Variants in SORCS1 observed in about 807,000 individuals in gnomAD.
The protein encoded by SORCS1 is VPS10 domain-containing receptor SorCS1.
In SORCS1, 60 loss-of-function variants were observed where a neutral mutation model predicts 146.1. The ratio of observed to expected loss-of-function variants is 0.41; its 90% confidence interval spans 0.33 to 0.51. SORCS1 has a LOEUF of 0.51. Ranked by LOEUF, SORCS1 falls within the 20% of genes least tolerant of loss-of-function variation. The pLI is 0.21. For synonymous variants in SORCS1, 637 were observed against 584.0 expected (o/e 1.09, Z -1.31); for missense variants, 1,352 against 1,487.6 (o/e 0.91, Z 1.50).
intron 2 of SORCS1, among the ~76,000 whole-genome samples, chr10:106,839,757 A>T (rs1214499293): frequency 3.9e-5 from 6 of 152,322 alleles, no homozygotes; most frequent in South Asian, 2.1e-4. Context: ...GGGCTAATGC[A>T]ATTGGTGACT....
At chr10:106,794,208 AC>A (rs1373722431) in intron 3 of SORCS1, among the ~76,000 whole-genome samples, 68 of 152,314 alleles carry the variant, frequency 4.5e-4, no homozygotes, top group Admixed American at 1.2e-3. Flanking sequence ...ATACTCTACA[AC>A]AACTCTAGAA....
intron 1 of SORCS1, among the ~76,000 whole-genome samples, chr10:107,072,315 T>C (rs1283697267): frequency 1.3e-5 from 2 of 152,164 alleles, no homozygotes; most frequent in African/African-American, 4.8e-5. Context: ...TTGGAGCTAA[T>C]AATAACTGGC....
At chr10:106,812,251 C>T (rs1253349427) in intron 3 of SORCS1, among the ~76,000 whole-genome samples, 6 of 152,276 alleles carry the variant, frequency 3.9e-5, no homozygotes, top group African/African-American at 1.2e-4. Flanking sequence ...CCGCCCGCCT[C>T]GGCCTCCCAA....
At chr10:106,961,104 T>C (rs957644296) in intron 1 of SORCS1, among the ~76,000 whole-genome samples, 2 of 152,156 alleles carry the variant, frequency 1.3e-5, no homozygotes, top group African/African-American at 4.8e-5. Flanking sequence ...AAACAGATGC[T>C]GGTATATGGA....
chr10:106,969,975 C>A (rs1955687631), intron 1 of SORCS1: 1 of 152,278 alleles, frequency 6.6e-6, no homozygotes, highest in Non-Finnish European at 1.5e-5. Context: ...GGACCTGAGC[C>A]CAGGCTCCGC....
At chr10:106,798,306 T>C (rs1231806672) in intron 3 of SORCS1, among the ~76,000 whole-genome samples, 3 of 152,258 alleles carry the variant, frequency 2.0e-5, no homozygotes, top group African/African-American at 4.8e-5. Context: ...CTTTTTTTTA[T>C]ACTTTAAGTT....
intron 1 of SORCS1, among the ~76,000 whole-genome samples, chr10:107,121,880 T>A (rs1966433442): frequency 6.6e-6 from 1 of 152,198 alleles, no homozygotes. Flanking sequence ...AGGAAACCAA[T>A]ATTTTTATCT....
At chr10:107,122,868 G>A (rs1303307319) in intron 1 of SORCS1, among the ~76,000 whole-genome samples, 1 of 152,194 alleles carries the variant, frequency 6.6e-6, no homozygotes, top group African/African-American at 2.4e-5. Context: ...AATGCTCAGA[G>A]TTGTTGATGT....
At chr10:106,910,314 T>TGA (rs61213760) in intron 2 of SORCS1, among the ~76,000 whole-genome samples, 10 of 126,776 alleles carry the variant, frequency 7.9e-5, no homozygotes, top group East Asian at 4.7e-4. Context: ...TGTGTGTGTG[T>TGA]GAGACAGTAT....
At chr10:107,009,258 T>C (rs1957585910) in intron 1 of SORCS1, among the ~76,000 whole-genome samples, 1 of 152,240 alleles carries the variant, frequency 6.6e-6, no homozygotes, top group Non-Finnish European at 1.5e-5. Flanking sequence ...ATAAAAGCTA[T>C]TCCCCAGATA....
chr10:107,153,785 T>TC (rs1474971236), intron 1 of SORCS1, among the ~76,000 whole-genome samples: 1 of 152,170 alleles, frequency 6.6e-6, no homozygotes, highest in African/African-American at 2.4e-5. Flanking sequence ...TTAAAATAAC[T>TC]TTTAAAAATA....
intron 1 of SORCS1, among the ~76,000 whole-genome samples, chr10:106,992,753 C>T (rs986729146): frequency 4.0e-5 from 6 of 151,112 alleles, no homozygotes; most frequent in African/African-American, 1.5e-4. Flanking sequence ...ATCTTAGCTT[C>T]TCAGAGTGCT....
intron 24 of SORCS1, among the ~76,000 whole-genome samples, chr10:106,585,533 C>T (rs1305803706): frequency 6.6e-6 from 1 of 152,164 alleles, no homozygotes; most frequent in Non-Finnish European, 1.5e-5. Context: ...TCTCAAGTCT[C>T]CCCTAAGTGA....
At chr10:106,671,443 G>A (rs1589625935) in intron 15 of SORCS1, 76 bp from the exon 16 acceptor site, 2 of 1,581,396 alleles carry the variant, frequency 1.3e-6, no homozygotes, top group South Asian at 2.3e-5. Flanking sequence ...TGACATTTAG[G>A]GAGACATTTG....
chr10:107,084,338 C>T (rs1963598829), intron 1 of SORCS1, among the ~76,000 whole-genome samples: 2 of 150,654 alleles, frequency 1.3e-5, no homozygotes, highest in South Asian at 4.2e-4. Flanking sequence ...CTGCTGACCT[C>T]GTGATCCGCC....
At chr10:106,730,018 T>A (rs973861237) in intron 6 of SORCS1, 32 bp downstream of exon 6, 1 of 1,608,574 alleles carries the variant, frequency 6.2e-7, no homozygotes, top group Non-Finnish European at 8.5e-7. Flanking sequence ...CTAATATTAC[T>A]ATGAGTATTG....
At chr10:106,657,348 C>T (rs1439353089) in intron 17 of SORCS1, among the ~76,000 whole-genome samples, 4 of 152,084 alleles carry the variant, frequency 2.6e-5, no homozygotes, top group African/African-American at 9.7e-5. Context: ...TATGAAGTAA[C>T]TCAGGAATGG....
At position 106,744,391 on chromosome 10, in the gene SORCS1, C is replaced by T. The variant is rs545282860; in HGVS notation, c.960-14277G>A. On this transcript the variant is annotated intron_variant, in intron 5 of 25. Coordinates refer to ENST00000263054, the MANE Select transcript of SORCS1 (RefSeq NM_052918.5). ...AAGTCCTGGTATTTCAGGCTTGAGCCACCGTGCCCGGCCATCATGTTACTT... is the reference window on the plus strand; with the variant it reads ...AAGTCCTGGTATTTCAGGCTTGAGCTACCGTGCCCGGCCATCATGTTACTT... Among the ~76,000 whole-genome samples, 6 of 152,290 alleles carry T rather than the reference C, an allele frequency of 3.9e-5. No homozygotes were observed. In the South Asian group the frequency reaches 1.2e-3, roughly 32 times the overall value.
intron 2 of SORCS1, among the ~76,000 whole-genome samples, chr10:106,842,528 C>T (rs1045918972): frequency 3.3e-5 from 5 of 152,040 alleles, no homozygotes; most frequent in African/African-American, 1.2e-4. Flanking sequence ...GCCATTGTGT[C>T]TGGCCTATTC....
Sources: allele counts gnomAD v4.1 joint callset (sites outside exome capture counted in the v4.1 genomes callset), GRCh38; gene constraint gnomAD v4.1.1; transcripts MANE v1.5; gene names NCBI Gene and HGNC (gene_info 2026-07-23, HGNC 2026-07-21).